The following PLEKHA1 variants were observed in gnomAD, a reference collection of about 807,000 sequenced individuals.
PLEKHA1 encodes the protein pleckstrin homology domain containing A1.
Under a neutral mutation model 52.0 loss-of-function variants are expected in PLEKHA1, and 34 were observed. The ratio of observed to expected loss-of-function variants is 0.65; its 90% CI spans 0.50 to 0.87. The LOEUF (loss-of-function observed/expected upper bound fraction) is 0.87. PLEKHA1 is among the 40% of genes least tolerant of loss of function. The pLI, the probability that PLEKHA1 is intolerant of heterozygous loss-of-function variation, is 0.00. For synonymous variants in PLEKHA1, 163 were observed against 170.7 expected (o/e 0.95, Z 0.35); for missense variants, 497 against 504.2 (o/e 0.99, Z 0.14).
At chr10:122,428,172 G>A (rs1447900721) in intron 11 of PLEKHA1, 4 of 1,077,722 alleles carry the variant, frequency 3.7e-6, no homozygotes, top group Non-Finnish European at 4.8e-6. Context: ...TTTGTGGTGG[G>A]GGCAGATTGG....
At chr10:122,412,881 T>A (rs750890154) in intron 5 of PLEKHA1, 39 bp from the exon 6 acceptor site, 1 of 1,608,902 alleles carries the variant, frequency 6.2e-7, no homozygotes, top group Non-Finnish European at 8.5e-7. Context: ...ACATGTATAA[T>A]GCTGGTTGCA....
chr10:122,417,087 CCAGT>C (rs1375947077), intron 7 of PLEKHA1: 3 of 152,634 alleles, frequency 2.0e-5, no homozygotes, highest in African/African-American at 7.2e-5. Context: ...GTCCAAAATA[CCAGT>C]CAGAGATATT....
the PLEKHA1 span, chr10:122,440,977 C>G: frequency 6.6e-6 from 1 of 152,142 alleles, no homozygotes; most frequent in Non-Finnish European, 1.5e-5. Flanking sequence ...CCTCTTAAGT[C>G]TGCTGTGAGA....
At position 122,393,080 on chromosome 10, in the gene PLEKHA1, CTA is replaced by C; in HGVS notation, c.-20-100_-20-99del. On this transcript the variant is annotated intron_variant, in intron 1 of 11. Coordinates refer to ENST00000368990, the MANE Select transcript of PLEKHA1 (RefSeq NM_001001974.4). This position sits in a 1 kb window ranked among gnomAD's most constrained non-coding sequence, Gnocchi z 4.5. The stretch of plus-strand genomic sequence containing the variant: ...GTGTGTTCATTTTAATTGACCTTAC[CTA>C]ATGTTGGCAAGTTGCCCCCTCATTG... 3.5e-6 allele frequency: 3 copies of C among 862,200 alleles called. No individual in the cohort carries two copies. Among genetic ancestry groups the C allele is most frequent in the Non-Finnish European group, 5.1e-6 (3 of 583,120 alleles). 53.4% of individuals were successfully genotyped at this position (862,200 alleles called of 1,614,324 possible).
chr10:122,390,490 A>AC, intron 1 of PLEKHA1, among the ~76,000 whole-genome samples: 1 of 152,256 alleles, frequency 6.6e-6, no homozygotes, highest in South Asian at 2.1e-4. Context: ...TTAAAGCGAG[A>AC]CACTTGGCTG....
intron 1 of PLEKHA1, among the ~76,000 whole-genome samples, chr10:122,383,313 G>GTTTTTTTTTTTTTTTTTTTTTTTTTTT: frequency 7.8e-6 from 1 of 128,390 alleles, no homozygotes; most frequent in Non-Finnish European, 1.6e-5. Flanking sequence ...CTTTCTTTCT[G>GTTTTTTTTTTTTTTTTTTTTTTTTTTT]TTTTTTTTTT....
chr10:122,388,262 G>C (rs1256563249), intron 1 of PLEKHA1, among the ~76,000 whole-genome samples: 1 of 152,154 alleles, frequency 6.6e-6, no homozygotes, highest in East Asian at 1.9e-4. Flanking sequence ...CATACAACAT[G>C]TACCTTTTTG....
Position 122,393,373 on chromosome 10 carries a change from A to C in PLEKHA1, c.141+32A>C. Reference sequence around the variant, plus strand: ...AAAATCCCAAGGATTATCTTTTAAAAGCACAGAAAGTTGTATTTAAGTATT... The same window carrying C: ...AAAATCCCAAGGATTATCTTTTAAACGCACAGAAAGTTGTATTTAAGTATT... On this transcript the variant is annotated intron_variant, in intron 2 of 11. Transcript: ENST00000368990. This position sits in a 1 kb window ranked among gnomAD's most constrained non-coding sequence, Gnocchi z 4.5. 6.4e-7 allele frequency: 1 copy of C among 1,567,308 alleles called. No homozygotes were observed. The highest frequency in any genetic ancestry group is 1.9e-5 in the Admixed American group (1 of 52,568).
chr10:122,409,712 A>G (rs1277579674), intron 5 of PLEKHA1, among the ~76,000 whole-genome samples: 1 of 152,146 alleles, frequency 6.6e-6, no homozygotes, highest in Admixed American at 6.5e-5. Context: ...TGTAAGACCC[A>G]GGAGTTTGTG....
chr10:122,425,609 A>C (rs1376873386), intron 10 of PLEKHA1: 1 of 151,290 alleles, frequency 6.6e-6, no homozygotes, highest in African/African-American at 2.4e-5. Flanking sequence ...TAATCCTAGC[A>C]ACTTGGGAGG....
At position 122,379,705 on chromosome 10, in the gene PLEKHA1, A is replaced by G. The variant is rs560994565; in HGVS notation, c.-21+4899A>G. Among the ~76,000 whole-genome samples the G allele has an allele frequency of 3.6e-4, 55 of 152,330 alleles. No homozygotes were observed. The Middle Eastern group carries it at 0.01, about 28-fold the overall frequency. On this transcript the variant is annotated intron_variant, in intron 1 of 11. Coordinates refer to ENST00000368990, the MANE Select transcript of PLEKHA1 (RefSeq NM_001001974.4). ...TACAGATATTTGATCCTCTATGTCTATATATCCTCAGCTTTGTGTTTGTCA... is the reference window on the plus strand; with the variant it reads ...TACAGATATTTGATCCTCTATGTCTGTATATCCTCAGCTTTGTGTTTGTCA...
chr10:122,383,078 A>G (rs917686566), intron 1 of PLEKHA1, among the ~76,000 whole-genome samples: 3 of 152,184 alleles, frequency 2.0e-5, no homozygotes, highest in African/African-American at 4.8e-5. Context: ...AATAGATGAG[A>G]AATGGTATAT....
chr10:122,405,191 A>G (rs2096990762), intron 4 of PLEKHA1, among the ~76,000 whole-genome samples: 1 of 152,176 alleles, frequency 6.6e-6, no homozygotes, highest in Non-Finnish European at 1.5e-5. Flanking sequence ...AAAGTTCCAA[A>G]TGTATTAAGA....
rs933094163 is a variant in PLEKHA1, at chr10:122,374,803, C to A, written c.-24C>A. ...CGGCGCGGGTGCTCCGGGCCGAGGCCGCGGTAAAGTTTAGCTTGAAGAACG... is the reference window on the plus strand; with the variant it reads ...CGGCGCGGGTGCTCCGGGCCGAGGCAGCGGTAAAGTTTAGCTTGAAGAACG... On this transcript the variant is annotated 5_prime_UTR_variant, in exon 1 of 12. Transcript: ENST00000368990. The A allele has an allele frequency of 6.6e-6, 1 of 151,804 alleles. No individual in the cohort carries two copies. 9.4% of individuals were successfully genotyped at this position (151,804 alleles called of 1,614,324 possible). A position where few individuals can be genotyped will look rare whatever the true frequency, so the allele number is the denominator to read the frequency against.
Position 122,411,145 on chromosome 10 carries a change from T to C in PLEKHA1, c.343-1775T>C, listed in dbSNP as rs113003393. Among the ~76,000 whole-genome samples, 956 of 152,288 alleles carry C rather than the reference T, an allele frequency of 6.3e-3. 11 individuals are homozygous for C. Among genetic ancestry groups the C allele is most frequent in the African/African-American group, 0.021 (890 of 41,556 alleles). On this transcript the variant is annotated intron_variant, in intron 5 of 11. Transcript: ENST00000368990. ...CAAGTTCTTAGAAGAATTCAAGAGGTATTCAGGATTCTCTTCTCTTTCCTG... is the reference window on the plus strand; with the variant it reads ...CAAGTTCTTAGAAGAATTCAAGAGGCATTCAGGATTCTCTTCTCTTTCCTG...
chr10:122,383,066 C>T lies in PLEKHA1; in HGVS notation c.-21+8260C>T, dbSNP rs74913710. Among the ~76,000 whole-genome samples, 1,236 of 152,120 alleles carry T rather than the reference C, an allele frequency of 8.1e-3. 13 individuals carry two copies. Among genetic ancestry groups the T allele is most frequent in the Non-Finnish European group, 0.011 (752 of 68,012 alleles). On this transcript the variant is annotated intron_variant, in intron 1 of 11. Transcript: ENST00000368990. ...GTCAAACTTTTGAATTTTTGCCAGT[C>T]TAATAGATGAGAAATGGTATATCTG...
intron 4 of PLEKHA1, among the ~76,000 whole-genome samples, chr10:122,403,347 C>T (rs2096957957): frequency 6.6e-6 from 1 of 151,984 alleles, no homozygotes; most frequent in African/African-American, 2.4e-5. Context: ...GATAAAATAC[C>T]TTAGAACCTC....
chr10:122,399,621 C>T (rs964697105), intron 3 of PLEKHA1, among the ~76,000 whole-genome samples: 1 of 152,178 alleles, frequency 6.6e-6, no homozygotes, highest in African/African-American at 2.4e-5. Flanking sequence ...GTCTCACTGT[C>T]TCCCAGGCTG....
chr10:122,416,370 G>A (rs938405481), intron 7 of PLEKHA1, among the ~76,000 whole-genome samples: 10 of 152,280 alleles, frequency 6.6e-5, no homozygotes, highest in Admixed American at 3.9e-4. Flanking sequence ...AAGGAGTGGT[G>A]CCTAGGAGGT....
Sources: allele counts gnomAD v4.1 joint callset (sites outside exome capture counted in the v4.1 genomes callset), GRCh38; gene constraint gnomAD v4.1.1; non-coding constraint Gnocchi (gnomAD v3.1); transcripts MANE v1.5; gene names NCBI Gene and HGNC (gene_info 2026-07-23, HGNC 2026-07-21).